Variants in PDLIM5 observed in about 807,000 individuals in gnomAD.
The protein encoded by PDLIM5 is PDZ and LIM domain 5.
In PDLIM5, 34 loss-of-function variants were observed where a neutral mutation model predicts 64.2. That is an observed-to-expected ratio of 0.53 (90% CI 0.40 to 0.71). The LOEUF (loss-of-function observed/expected upper bound fraction) is 0.71, where lower values mean the gene tolerates loss of function less well. PDLIM5 is among the 30% of genes least tolerant of loss of function. PDLIM5 has a pLI of 0.00. For synonymous variants in PDLIM5, 253 were observed against 269.1 expected (o/e 0.94, Z 0.59); for missense variants, 683 against 733.6 (o/e 0.93, Z 0.80).
intron 5 of PDLIM5, 23 bp from the exon 6 acceptor site, chr4:94,585,540 ATT>A: frequency 3.7e-6 from 5 of 1,362,304 alleles, no homozygotes; most frequent in South Asian, 3.3e-5. Flanking sequence ...ACAATTTTTA[ATT>A]TTTTTTTTCT....
chr4:94,585,502 A>G, intron 5 of PDLIM5, 63 bp from the exon 6 acceptor site: 2 of 905,608 alleles, frequency 2.2e-6, no homozygotes, highest in Admixed American at 5.5e-5. Flanking sequence ...ATTTAGTAGA[A>G]GATATTTTAT....
intron 3 of PDLIM5, among the ~76,000 whole-genome samples, chr4:94,524,211 A>G (rs1401761605): frequency 6.6e-6 from 1 of 152,044 alleles, no homozygotes; most frequent in South Asian, 2.1e-4. Context: ...TCTACAAAAC[A>G]TAAAAAAATT....
At chr4:94,472,431 A>G (rs1229248570) in intron 2 of PDLIM5, among the ~76,000 whole-genome samples, 1 of 152,202 alleles carries the variant, frequency 6.6e-6, no homozygotes, top group Non-Finnish European at 1.5e-5. Flanking sequence ...TTAAAGTAGC[A>G]TGAAACACAG....
At chr4:94,594,120 T>C (rs1736880038) in intron 7 of PDLIM5, among the ~76,000 whole-genome samples, 1 of 152,232 alleles carries the variant, frequency 6.6e-6, no homozygotes, top group Non-Finnish European at 1.5e-5. Context: ...TTAATACCTA[T>C]ATTGAAAGTA....
intron 9 of PDLIM5, among the ~76,000 whole-genome samples, chr4:94,647,062 T>C (rs986960632): frequency 3.3e-5 from 5 of 152,190 alleles, no homozygotes; most frequent in African/African-American, 1.2e-4. Flanking sequence ...CTTTGATTCC[T>C]CTTTCACTTT....
chr4:94,585,741 A>G lies in PDLIM5; in HGVS notation c.883+4A>G, dbSNP rs762770236. On this transcript the variant is annotated splice_donor_region_variant and intron_variant, in intron 6 of 12. Coordinates refer to ENST00000317968, the MANE Select transcript of PDLIM5 (RefSeq NM_006457.5). ...CAGATCACTGGGACTGAACATTGTA[A>G]GTGAACTTCTAGGTATCCTAATGGA... is the stretch of plus-strand genomic sequence containing the variant. 1.9e-6 allele frequency: 3 copies of G among 1,610,846 alleles called. No homozygotes were observed. The highest frequency in any genetic ancestry group is 2.5e-6 in the Non-Finnish European group (3 of 1,177,248).
chr4:94,475,928 ATCAC>A (rs1218258696), intron 2 of PDLIM5, among the ~76,000 whole-genome samples: 1 of 152,132 alleles, frequency 6.6e-6, no homozygotes, highest in Non-Finnish European at 1.5e-5. Context: ...GAATTGGCAA[ATCAC>A]CTCCCAGTTC....
At chr4:94,600,085 T>C (rs971708626) in intron 7 of PDLIM5, among the ~76,000 whole-genome samples, 1 of 151,346 alleles carries the variant, frequency 6.6e-6, no homozygotes, top group Non-Finnish European at 1.5e-5. Flanking sequence ...TAAACAAGGG[T>C]AAGTGGGAAG....
intron 5 of PDLIM5, chr4:94,582,871 T>A (rs1420942165): frequency 1.8e-6 from 1 of 545,870 alleles, no homozygotes; most frequent in South Asian, 2.4e-5. Context: ...ATAAGAAGCA[T>A]TTTTTTTTAT....
chr4:94,539,258 AAT>A (rs1731571748), intron 3 of PDLIM5, among the ~76,000 whole-genome samples: 1 of 152,178 alleles, frequency 6.6e-6, no homozygotes, highest in African/African-American at 2.4e-5. Flanking sequence ...GTCTATGTAT[AAT>A]ATATATGTGT....
At chr4:94,539,351 C>T (rs1731582068) in intron 3 of PDLIM5, among the ~76,000 whole-genome samples, 1 of 151,996 alleles carries the variant, frequency 6.6e-6, no homozygotes, top group Non-Finnish European at 1.5e-5. Context: ...CTGAACTTGT[C>T]GGCTAAAGAG....
chr4:94,666,168 T>C lies in PDLIM5; in HGVS notation c.*2101T>C. ...ACTTCCATTGTGTGCATGTTTGTTATAGAGGAGGTTTTAGGCTACAATATT... is the reference window on the plus strand; with the variant it reads ...ACTTCCATTGTGTGCATGTTTGTTACAGAGGAGGTTTTAGGCTACAATATT... On this transcript the variant is annotated 3_prime_UTR_variant, in exon 13 of 13. Coordinates refer to ENST00000317968, the MANE Select transcript of PDLIM5 (RefSeq NM_006457.5). 3.1e-6 allele frequency: 2 copies of C among 636,584 alleles called. No homozygotes were observed. The highest frequency in any genetic ancestry group is 5.2e-6 in the Non-Finnish European group (2 of 387,990). 39.4% of individuals were successfully genotyped at this position (636,584 alleles called of 1,614,324 possible).
chr4:94,489,643 A>C (rs1189743430), intron 2 of PDLIM5, among the ~76,000 whole-genome samples: 1 of 152,086 alleles, frequency 6.6e-6, no homozygotes, highest in African/African-American at 2.4e-5. Flanking sequence ...CAAAAATACA[A>C]GGCCTGGCAC....
intron 9 of PDLIM5, among the ~76,000 whole-genome samples, chr4:94,642,724 C>G (rs1741092865): frequency 6.6e-6 from 1 of 151,724 alleles, no homozygotes; most frequent in South Asian, 2.1e-4. Flanking sequence ...AGTTCAGAGG[C>G]CTAGTCAAAG....
intron 2 of PDLIM5, among the ~76,000 whole-genome samples, chr4:94,500,214 G>A (rs1426422609): frequency 6.6e-6 from 1 of 152,166 alleles, no homozygotes; most frequent in Non-Finnish European, 1.5e-5. Context: ...TTTGACAGTG[G>A]TGACTCTCTG....
intron 3 of PDLIM5, among the ~76,000 whole-genome samples, chr4:94,528,238 G>A (rs898720777): frequency 1.3e-5 from 2 of 152,018 alleles, no homozygotes; most frequent in Admixed American, 6.6e-5. Flanking sequence ...AACCCAAATC[G>A]AGTGTCTCCT....
intron 3 of PDLIM5, among the ~76,000 whole-genome samples, chr4:94,542,116 A>G (rs1731860078): frequency 1.3e-5 from 2 of 152,226 alleles, no homozygotes; most frequent in African/African-American, 4.8e-5. Flanking sequence ...GTTTGAGACC[A>G]GCTTGGCCAA....
intron 7 of PDLIM5, among the ~76,000 whole-genome samples, chr4:94,599,810 G>A (rs181984878): frequency 5.7e-4 from 87 of 152,212 alleles, no homozygotes; most frequent in South Asian, 3.7e-3. Flanking sequence ...GATTTTGGAG[G>A]ATCAAAGATG....
chr4:94,560,828 G>A (rs1733773014), intron 3 of PDLIM5, among the ~76,000 whole-genome samples: 1 of 152,102 alleles, frequency 6.6e-6, no homozygotes, highest in Non-Finnish European at 1.5e-5. Context: ...CCGGGTTCAC[G>A]CCATTCTCCT....
Sources: gnomAD v4.1 joint callset for allele counts (sites outside exome capture counted in the v4.1 genomes callset) on GRCh38, gnomAD v4.1.1 for gene constraint, MANE v1.5 for transcripts, NCBI Gene and HGNC (gene_info 2026-07-23, HGNC 2026-07-21) for gene names.